CLDN14: variants seen among roughly 807,000 people sequenced by gnomAD.
The protein encoded by CLDN14 is claudin-14.
CLDN14 carries 2 observed loss-of-function variants against 2.1 expected under a neutral mutation model. The ratio of observed to expected loss-of-function variants is 0.96; its 90% CI spans 0.39 to 3.01. The LOEUF (loss-of-function observed/expected upper bound fraction) is 3.01. CLDN14 is among the 30% of genes most tolerant of loss of function. CLDN14 has a pLI of 0.09. For synonymous variants in CLDN14, 136 were observed against 154.4 expected, an observed-to-expected ratio of 0.88 and a Z score of 0.88; for missense variants, 298 against 328.0, an observed-to-expected ratio of 0.91 and a Z score of 0.71.
chr21:36,505,004 T>C (rs2087119645), intron 2 of CLDN14, among the ~76,000 whole-genome samples: 2 of 152,244 alleles, frequency 1.3e-5, no homozygotes, highest in South Asian at 4.1e-4. Flanking sequence ...CTGGAAGATT[T>C]TCCCTGCTGG....
chr21:36,479,501 A>G lies in CLDN14; in HGVS notation c.-88T>C, dbSNP rs1396030476. 6.9e-6 allele frequency: 1 copy of G among 145,260 alleles called. No homozygotes were observed. Among genetic ancestry groups the G allele is most frequent in the Non-Finnish European group, 1.5e-5 (1 of 66,646 alleles). The allele number at this position is 145,260 out of a possible 1,614,324, so 9.0% of individuals were successfully genotyped here. On this transcript the variant is annotated 5_prime_UTR_variant, in exon 1 of 2. Coordinates refer to ENST00000399135, the MANE Select transcript of CLDN14 (RefSeq NM_001146079.2). Reference sequence around the variant, plus strand: ...AGCTTCACCCCAAACTCACATGCAGAAAACCTCGAGTCTCATCTTCCTGTT... The same window carrying G: ...AGCTTCACCCCAAACTCACATGCAGGAAACCTCGAGTCTCATCTTCCTGTT...
intron 1 of CLDN14, among the ~76,000 whole-genome samples, chr21:36,568,420 G>C (rs975309021): frequency 2.6e-5 from 4 of 152,218 alleles, no homozygotes; most frequent in Non-Finnish European, 5.9e-5. Context: ...GGAAAAAAAT[G>C]CCACCAGTGC....
chr21:36,548,704 T>G (rs2087541793), intron 1 of CLDN14, among the ~76,000 whole-genome samples: 1 of 152,130 alleles, frequency 6.6e-6, no homozygotes, highest in Non-Finnish European at 1.5e-5. Context: ...GCTGACTTCC[T>G]TGGTGCCAAA....
chr21:36,547,732 C>G (rs867791232), intron 1 of CLDN14, among the ~76,000 whole-genome samples: 1 of 152,186 alleles, frequency 6.6e-6, no homozygotes, highest in African/African-American at 2.4e-5. Flanking sequence ...CTGGGAGCCG[C>G]CTGCAGCCTG....
intron 1 of CLDN14, among the ~76,000 whole-genome samples, chr21:36,472,676 A>T (rs1254117651): frequency 1.3e-5 from 2 of 152,234 alleles, no homozygotes; most frequent in African/African-American, 4.8e-5. Context: ...ATTAAGCCAC[A>T]GAAATTAATT....
intron 1 of CLDN14, among the ~76,000 whole-genome samples, chr21:36,550,641 A>T (rs2087557353): frequency 6.6e-6 from 1 of 152,110 alleles, no homozygotes. Flanking sequence ...GTCCCCTCCC[A>T]GTTCCCATCT....
intron 2 of CLDN14, among the ~76,000 whole-genome samples, chr21:36,506,596 CAAAA>C (rs113812093): frequency 0.06 from 6,379 of 105,522 alleles, 462 homozygotes; most frequent in African/African-American, 0.17. Context: ...GACTCTGTCT[CAAAA>C]AAAAAAAAAA....
At chr21:36,489,131 A>AAAAAATATATATATAT in intron 2 of CLDN14, among the ~76,000 whole-genome samples, 3 of 62,744 alleles carry the variant, frequency 4.8e-5, no homozygotes, top group African/African-American at 1.8e-4. Flanking sequence ...AAAAAAAAAA[A>AAAAAATATATATATAT]ATATATATAT....
chr21:36,509,821 C>T (rs1474549489), intron 2 of CLDN14, among the ~76,000 whole-genome samples: 3 of 152,140 alleles, frequency 2.0e-5, no homozygotes, highest in South Asian at 2.1e-4. Flanking sequence ...GTCTCGAACT[C>T]CTGACCTCGT....
intron 1 of CLDN14, among the ~76,000 whole-genome samples, chr21:36,558,456 T>G (rs1601636533): frequency 6.6e-6 from 1 of 150,804 alleles, no homozygotes; most frequent in East Asian, 2.0e-4. Context: ...CTTCTCCAAT[T>G]TATTTCATCA....
At chr21:36,566,357 T>C (rs2087672812) in intron 1 of CLDN14, among the ~76,000 whole-genome samples, 1 of 152,256 alleles carries the variant, frequency 6.6e-6, no homozygotes, top group South Asian at 2.1e-4. Flanking sequence ...ATATGACTTC[T>C]TAAAATTGAG....
intron 1 of CLDN14, among the ~76,000 whole-genome samples, chr21:36,571,244 G>A (rs1013586700): frequency 6.6e-5 from 10 of 152,204 alleles, no homozygotes; most frequent in Non-Finnish European, 1.5e-4. Context: ...ACTGAAGTTG[G>A]AAAAATAAGC....
chr21:36,487,869 T>C (rs894197603), intron 2 of CLDN14: 1 of 152,246 alleles, frequency 6.6e-6, no homozygotes, highest in African/African-American at 2.4e-5. Flanking sequence ...ACCTTTTGGA[T>C]GAGACAGATA....
chr21:36,563,585 A>G (rs1218612335), intron 1 of CLDN14, among the ~76,000 whole-genome samples: 1 of 152,174 alleles, frequency 6.6e-6, no homozygotes, highest in Non-Finnish European at 1.5e-5. Flanking sequence ...TTCTCTGTCA[A>G]AGAGAAATGG....
At chr21:36,487,449 C>T (rs1167997111) in intron 2 of CLDN14, 3 of 158,594 alleles carry the variant, frequency 1.9e-5, no homozygotes, top group Non-Finnish European at 2.9e-5. Flanking sequence ...TGAAATAATC[C>T]TTCATGTATA....
intron 2 of CLDN14, among the ~76,000 whole-genome samples, chr21:36,492,806 G>A (rs1443917538): frequency 3.3e-5 from 5 of 152,198 alleles, no homozygotes; most frequent in Admixed American, 6.5e-5. Context: ...GAGCCACCAG[G>A]ACCTGGGACC....
intron 1 of CLDN14, among the ~76,000 whole-genome samples, chr21:36,573,071 G>A (rs2087719935): frequency 1.3e-5 from 2 of 152,198 alleles, no homozygotes; most frequent in South Asian, 4.1e-4. Flanking sequence ...GAAGGCCGAG[G>A]CAGGTGGATC....
At chr21:36,566,504 G>A (rs1053606673) in intron 1 of CLDN14, among the ~76,000 whole-genome samples, 3 of 151,950 alleles carry the variant, frequency 2.0e-5, no homozygotes, top group South Asian at 2.1e-4. Flanking sequence ...CTTCTCAGTC[G>A]AACTGGACCC....
At position 36,558,092 on chromosome 21, in the gene CLDN14, A is replaced by G. The variant is rs118037754; in HGVS notation, c.-220+18319T>C. Among the ~76,000 whole-genome samples, 1,445 of 152,180 alleles carry G rather than the reference A, an allele frequency of 9.5e-3. 13 individuals are homozygous for G. Among genetic ancestry groups the G allele is most frequent in the Non-Finnish European group, 0.013 (917 of 67,982 alleles). ...CCCTTGTCAAAAATCAGTTGATTGT[A>G]TATCTGTGGGTTTATTTCTGGGTTC... On this transcript the variant is annotated intron_variant, in intron 1 of 2. Coordinates refer to the CLDN14 transcript ENST00000342108.
Sources: allele counts gnomAD v4.1 joint callset (sites outside exome capture counted in the v4.1 genomes callset), GRCh38; gene constraint gnomAD v4.1.1; transcripts MANE v1.5; gene names NCBI Gene and HGNC (gene_info 2026-07-23, HGNC 2026-07-21).